AMOTL1: variants seen among roughly 807,000 people sequenced by gnomAD.
AMOTL1 encodes the protein angiomotin like 1.
In AMOTL1, 45 loss-of-function variants were observed where a neutral mutation model predicts 102.9. The observed-to-expected ratio is 0.44, with a 90% CI of 0.34 to 0.56. AMOTL1 has a LOEUF of 0.56. Among genes scored for constraint, AMOTL1 ranks in the 20% least tolerant of loss-of-function variants. The probability of loss-of-function intolerance (pLI) is 0.01; values close to 1 mark genes in which losing one functional copy is unlikely to be tolerated. For synonymous variants in AMOTL1, 481 were observed against 484.7 expected (o/e 0.99, Z 0.10); for missense variants, 1,114 against 1,225.6 (o/e 0.91, Z 1.36).
At chr11:94,780,964 A>G (rs985929583) in intron 1 of AMOTL1, among the ~76,000 whole-genome samples, 1 of 152,062 alleles carries the variant, frequency 6.6e-6, no homozygotes, top group Non-Finnish European at 1.5e-5. Context: ...AATCTTTCTA[A>G]TAGTGTGGTC....
intron 9 of AMOTL1, 124 bp downstream of exon 9, chr11:94,859,839 T>A: frequency 9.0e-7 from 1 of 1,116,100 alleles, no homozygotes; most frequent in Non-Finnish European, 1.2e-6. Context: ...AAATTATTTT[T>A]AAGTAGTTAC....
chr11:94,864,509 T>C (rs1041392802), intron 9 of AMOTL1, among the ~76,000 whole-genome samples: 1 of 152,166 alleles, frequency 6.6e-6, no homozygotes, highest in African/African-American at 2.4e-5. Flanking sequence ...CACGGCACCC[T>C]GTGATCACCT....
chr11:94,867,066 T>A (rs1952899393), intron 11 of AMOTL1, among the ~76,000 whole-genome samples: 1 of 152,096 alleles, frequency 6.6e-6, no homozygotes, highest in African/African-American at 2.4e-5. Context: ...AGATCGTGTT[T>A]TTGTTTCTCT....
intron 1 of AMOTL1, among the ~76,000 whole-genome samples, chr11:94,769,392 C>G (rs985492632): frequency 2.0e-5 from 3 of 152,088 alleles, no homozygotes; most frequent in Non-Finnish European, 4.4e-5. Flanking sequence ...GAGGACGCGG[C>G]GGCAGAGCAG....
intron 1 of AMOTL1, among the ~76,000 whole-genome samples, chr11:94,715,707 C>T (rs1012724324): frequency 1.3e-5 from 2 of 152,028 alleles, no homozygotes; most frequent in Non-Finnish European, 1.5e-5. Context: ...TAGTTTCAAA[C>T]GAGAAATCCT....
At chr11:94,862,529 A>G (rs1952794835) in intron 9 of AMOTL1, among the ~76,000 whole-genome samples, 5 of 152,178 alleles carry the variant, frequency 3.3e-5, no homozygotes, top group Admixed American at 3.3e-4. Flanking sequence ...ATGCATCTTG[A>G]TGGTGTTGGT....
intron 8 of AMOTL1, among the ~76,000 whole-genome samples, chr11:94,857,529 A>G (rs1055283509): frequency 4.6e-5 from 7 of 152,238 alleles, no homozygotes; most frequent in African/African-American, 1.7e-4. Flanking sequence ...ATAGTACTTC[A>G]GCATCATTAG....
rs367690301 is a variant in AMOTL1 at position 94,795,016 on chromosome 11, C to T, written c.55C>T (p.Pro19Ser). 6 of 1,602,998 alleles carry T rather than the reference C, an allele frequency of 3.7e-6. No individual in the cohort carries two copies. In the Admixed American group the frequency reaches 7.0e-5, roughly 19 times the overall value. The change falls in exon 2 of 13, where the codon CCT (proline) becomes TCT (serine). Residue 19 changes from proline (P) to serine (S), a missense_variant. Physicochemically the swap from Pro to Ser is moderately conservative, Grantham distance 74 (BLOSUM62 -1). Transcript: ENST00000433060. ...CTTCGCTTTCTTTCCCCCAGGGTCC[C>T]CTTCTGCTTGTTATAGCCCCAGTAG... ...GTCEPAVKGS[P>S]SACYSPSSPV...
intron 9 of AMOTL1, among the ~76,000 whole-genome samples, chr11:94,862,576 G>A (rs1456602336): frequency 1.3e-5 from 2 of 152,170 alleles, no homozygotes; most frequent in Admixed American, 6.5e-5. Flanking sequence ...TTTTATGTGT[G>A]CAGAAGGTTT....
In AMOTL1 at chr11:94,800,226, G is replaced by T. The variant is rs1379738166; in HGVS notation, c.1036G>T (p.Val346Phe). The change falls in exon 3 of 13, where the codon GTC becomes TTC. Residue 346 changes from valine to phenylalanine, a missense_variant. Transcript: ENST00000433060. ...DQHPGMLHEM[V>F]KPYPAPQPVR... ...GCACCCCGGGATGCTCCACGAGATG[G>T]TCAAGCCCTACCCTGCTCCTCAGCC... 1 of 1,613,994 alleles carries T rather than the reference G, an allele frequency of 6.2e-7. No homozygotes were observed. Among genetic ancestry groups the T allele is most frequent in the African/African-American group, 1.3e-5 (1 of 75,048 alleles).
At chr11:94,714,131 G>T (rs1041766841) in intron 1 of AMOTL1, among the ~76,000 whole-genome samples, 1 of 152,004 alleles carries the variant, frequency 6.6e-6, no homozygotes, top group African/African-American at 2.4e-5. Flanking sequence ...TTCGTGCAAT[G>T]ATCAGTATGA....
intron 2 of AMOTL1, chr11:94,729,147 C>T (rs756025078): frequency 2.9e-5 from 27 of 923,110 alleles, no homozygotes; most frequent in Admixed American, 8.1e-5. Context: ...CGTGCCCACG[C>T]TGTTTGTCTT....
chr11:94,817,691 G>GT (rs1298106818), intron 3 of AMOTL1, among the ~76,000 whole-genome samples: 19 of 152,004 alleles, frequency 1.2e-4, no homozygotes, highest in Admixed American at 1.2e-3. Context: ...TTTTCAAAAG[G>GT]TGTTTTTTAT....
chr11:94,734,202 A>G (rs1369866246), intron 2 of AMOTL1, among the ~76,000 whole-genome samples: 1 of 152,174 alleles, frequency 6.6e-6, no homozygotes, highest in African/African-American at 2.4e-5. Flanking sequence ...AGATCCATAC[A>G]ACATCTGTAT....
At chr11:94,718,754 A>G (rs1283305908) in intron 1 of AMOTL1, among the ~76,000 whole-genome samples, 1 of 151,316 alleles carries the variant, frequency 6.6e-6, no homozygotes, top group African/African-American at 2.4e-5. Context: ...GTTGATTGTC[A>G]GTTTATTGAT....
At chr11:94,715,885 A>G (rs1950088573) in intron 1 of AMOTL1, among the ~76,000 whole-genome samples, 1 of 151,808 alleles carries the variant, frequency 6.6e-6, no homozygotes, top group African/African-American at 2.4e-5. Flanking sequence ...TCTTGAATCT[A>G]TGTGTTTATG....
chr11:94,873,568 G>A lies in AMOTL1; in HGVS notation c.*2773G>A, dbSNP rs567456830. ...CACCCACCTGGAGTACAGGGGGTGC[G>A]TTTATTATTCTGATTTCACTGATGA... On this transcript the variant is annotated 3_prime_UTR_variant, in exon 13 of 13. Coordinates refer to ENST00000433060, the MANE Select transcript of AMOTL1 (RefSeq NM_130847.3). 6 of 152,288 alleles carry A rather than the reference G, an allele frequency of 3.9e-5. No homozygotes were observed. In the East Asian group the frequency reaches 5.8e-4, roughly 15 times the overall value. 9.4% of individuals were successfully genotyped at this position (152,288 alleles called of 1,614,324 possible). A position where few individuals can be genotyped will look rare whatever the true frequency, so the allele number is the denominator to read the frequency against.
At chr11:94,787,132 G>A (rs930358113) in intron 1 of AMOTL1, among the ~76,000 whole-genome samples, 1 of 151,888 alleles carries the variant, frequency 6.6e-6, no homozygotes, top group Non-Finnish European at 1.5e-5. Context: ...GGAGCACTGA[G>A]TAGCATATAG....
At chr11:94,768,122 A>C (rs1367079804), upstream of AMOTL1, among the ~76,000 whole-genome samples, 1 of 152,184 alleles carries the variant, frequency 6.6e-6, no homozygotes, top group African/African-American at 2.4e-5. Context: ...CAGGGGACAA[A>C]GGAAGGGATG....
Sources: allele counts gnomAD v4.1 joint callset (sites outside exome capture counted in the v4.1 genomes callset), GRCh38; gene constraint gnomAD v4.1.1; transcripts MANE v1.5; gene names NCBI Gene and HGNC (gene_info 2026-07-23, HGNC 2026-07-21).